CENPI: variants seen among roughly 807,000 people sequenced by gnomAD.
CENPI encodes centromere protein I.
In CENPI, 4 loss-of-function variants were observed where a neutral mutation model predicts 60.4. The ratio of observed to expected loss-of-function variants is 0.07; its 90% CI spans 0.03 to 0.15. The LOEUF is 0.15. Among genes scored for constraint, CENPI ranks in the 10% least tolerant of loss-of-function variants. The pLI is 1.00. For missense variants in CENPI, 444 were observed against 534.5 expected, an observed-to-expected ratio of 0.83 and a Z score of 1.67; for synonymous variants, 157 against 189.4, an observed-to-expected ratio of 0.83 and a Z score of 1.40.
At chrX:101,153,844 G>C (rs1404175975) in intron 20 of CENPI, among the ~76,000 whole-genome samples, 1 of 111,407 alleles carries the variant, frequency 9.0e-6, no homozygotes, top group Admixed American at 9.6e-5. Context: ...CCTAACCCAA[G>C]GTTACAAAGA....
intron 15 of CENPI, 39 bp from the exon 16 acceptor site, chrX:101,140,627 A>G (rs764390773): frequency 5.2e-6 from 5 of 966,645 alleles, no homozygotes; most frequent in Non-Finnish European, 7.4e-6. Context: ...TTATGTCTGA[A>G]TGATTTCATG....
At position 101,147,786 on chromosome X, in the gene CENPI, C is replaced by T; in HGVS notation, c.1850C>T (p.Ala617Val). 8.3e-7 allele frequency: 1 copy of T among 1,204,871 alleles called. No homozygotes were observed. The highest frequency in any genetic ancestry group is 1.8e-5 in the South Asian group (1 of 55,679). The change falls in exon 19 of 22, where the codon GCA becomes GTA. Residue 617 changes from alanine to valine, a missense_variant. By Grantham distance (64) the Ala-to-Val change is moderately conservative. Coordinates refer to ENST00000682095, the MANE Select transcript of CENPI (RefSeq NM_001386188.2). ...MHRYRKNLTAAKKNELVQKTK... is the reference protein window; with the variant it reads ...MHRYRKNLTAVKKNELVQKTK... ...AGATATCGTAAAAATTTGACTGCCG[C>T]AAAGAAAAATGAGTTGGTACAAAAG...
At position 101,121,123 on chromosome X, in the gene CENPI, G is replaced by A. The variant is rs1015386177; in HGVS notation, c.687+339G>A. Among the ~76,000 whole-genome samples, 3 of 110,003 alleles carry A rather than the reference G, an allele frequency of 2.7e-5. 1 individual carries two copies. Among genetic ancestry groups the A allele is most frequent in the Non-Finnish European group, 5.7e-5 (3 of 52,743 alleles). Reference sequence around the variant, plus strand: ...AACTCCTGGCCTCGGTGATCCACCCGCCTCGGCCTCCCAAGGTTCTGGGAT... The same window carrying A: ...AACTCCTGGCCTCGGTGATCCACCCACCTCGGCCTCCCAAGGTTCTGGGAT... On this transcript the variant is annotated intron_variant, in intron 8 of 21. Transcript: ENST00000682095.
At chrX:101,115,424 A>G (rs954350096) in intron 6 of CENPI, among the ~76,000 whole-genome samples, 1 of 111,033 alleles carries the variant, frequency 9.0e-6, no homozygotes, top group Non-Finnish European at 1.9e-5. Context: ...AAGAACAAAG[A>G]CAAACACAGC....
rs1157878531 is a variant in CENPI at position 101,100,103 on chromosome X, T to C, written c.-13-955T>C. Reference sequence around the variant, plus strand: ...ATGTCCAGTCTTAGTTGTATACTTATTTATTGACTCTCACCTCCCCCTTCA... The same window carrying C: ...ATGTCCAGTCTTAGTTGTATACTTACTTATTGACTCTCACCTCCCCCTTCA... On this transcript the variant is annotated intron_variant, in intron 2 of 21. Coordinates refer to ENST00000682095, the MANE Select transcript of CENPI (RefSeq NM_001386188.2). 4.5e-5 allele frequency: 5 copies of C among 111,194 alleles called. No individual in the cohort carries two copies. The East Asian group carries it at 1.1e-3, about 25-fold the overall frequency. 9.2% of individuals were successfully genotyped at this position (111,194 alleles called of 1,213,427 possible). A position where few individuals can be genotyped will look rare whatever the true frequency, so the allele number is the denominator to read the frequency against.
the CENPI span, among the ~76,000 whole-genome samples, chrX:101,171,823 A>G: frequency 8.9e-6 from 1 of 112,169 alleles, no homozygotes; most frequent in Admixed American, 9.6e-5. Context: ...GCAAAGGCAT[A>G]CATAACAGAA....
intron 15 of CENPI, among the ~76,000 whole-genome samples, chrX:101,133,893 T>C (rs1243973489): frequency 9.0e-6 from 1 of 111,653 alleles, no homozygotes; most frequent in Admixed American, 9.6e-5. Context: ...TGGAAATATA[T>C]TCAGGGGAGG....
At chrX:101,152,461 G>C (rs1181925823) in intron 20 of CENPI, among the ~76,000 whole-genome samples, 1 of 110,374 alleles carries the variant, frequency 9.1e-6, no homozygotes, top group African/African-American at 3.3e-5. Flanking sequence ...CTGTCGCCTG[G>C]GCTGGAGTGC....
At chrX:101,150,682 T>A (rs985101115) in intron 20 of CENPI, among the ~76,000 whole-genome samples, 26 of 110,789 alleles carry the variant, frequency 2.3e-4, no homozygotes, top group South Asian at 7.5e-4. Context: ...TTTTTTTTTT[T>A]ATTTAATTTT....
intron 15 of CENPI, among the ~76,000 whole-genome samples, chrX:101,134,903 A>T (rs781576623): frequency 9.1e-6 from 1 of 109,637 alleles, no homozygotes; most frequent in Non-Finnish European, 1.9e-5. Context: ...AATTCCAACT[A>T]CTCAGGAGGC....
intron 16 of CENPI, among the ~76,000 whole-genome samples, chrX:101,142,562 G>T (rs1320848655): frequency 9.0e-6 from 1 of 110,889 alleles, no homozygotes; most frequent in Non-Finnish European, 1.9e-5. Flanking sequence ...GGCCATTTCT[G>T]GTTGTCACAG....
downstream of CENPI, among the ~76,000 whole-genome samples, chrX:101,170,167 T>C (rs1394320900): frequency 8.9e-6 from 1 of 111,956 alleles, no homozygotes; most frequent in Non-Finnish European, 1.9e-5. Context: ...AAGTGCTCTA[T>C]AGAGGTGTAC....
At chrX:101,106,748 C>A (rs906489030) in intron 4 of CENPI, among the ~76,000 whole-genome samples, 11 of 111,008 alleles carry the variant, frequency 9.9e-5, no homozygotes, top group Non-Finnish European at 1.3e-4. Flanking sequence ...AATGGTATTA[C>A]TGCCAGCCAA....
chrX:101,129,680 G>C (rs2089774772), intron 12 of CENPI, among the ~76,000 whole-genome samples: 1 of 111,954 alleles, frequency 8.9e-6, no homozygotes, highest in African/African-American at 3.2e-5. Flanking sequence ...TCAGATGTTT[G>C]TACTTTCTTG....
intron 19 of CENPI, 29 bp from the exon 20 acceptor site, chrX:101,147,914 G>A: frequency 8.5e-7 from 1 of 1,182,726 alleles, no homozygotes; most frequent in Non-Finnish European, 1.2e-6. Flanking sequence ...ATAGGTGATA[G>A]TGACAATTTT....
the CENPI span, among the ~76,000 whole-genome samples, chrX:101,180,809 C>G: frequency 3.6e-4 from 40 of 111,298 alleles, no homozygotes; most frequent in Non-Finnish European, 6.8e-4. Flanking sequence ...CTCTGCTGCC[C>G]AAACTGGAGT....
At chrX:101,127,730 G>T (rs770615289) in intron 11 of CENPI, 65 bp downstream of exon 11, 17 of 900,009 alleles carry the variant, frequency 1.9e-5, no homozygotes, top group Admixed American at 6.5e-5. Context: ...TTGTTTTTTT[G>T]TTTGTTTGTT....
At chrX:101,104,081 C>T (rs1236536617) in intron 4 of CENPI, among the ~76,000 whole-genome samples, 1 of 110,980 alleles carries the variant, frequency 9.0e-6, no homozygotes, top group Non-Finnish European at 1.9e-5. Flanking sequence ...TCAAGCGATT[C>T]TCCTGCCTCA....
chrX:101,162,294 A>C (rs1281167500), intron 21 of CENPI, among the ~76,000 whole-genome samples: 1 of 107,123 alleles, frequency 9.3e-6, no homozygotes, highest in Non-Finnish European at 1.9e-5. Flanking sequence ...CTGTACTAAA[A>C]TTTTAAAAAA....
Sources: allele counts gnomAD v4.1 joint callset (sites outside exome capture counted in the v4.1 genomes callset), GRCh38; gene constraint gnomAD v4.1.1; transcripts MANE v1.5; gene names NCBI Gene and HGNC (gene_info 2026-07-23, HGNC 2026-07-21).